Variants in PSD3 observed in about 807,000 individuals in gnomAD.
The protein encoded by PSD3 is pleckstrin and Sec7 domain containing 3, also known as PH and SEC7 domain-containing protein 3.
In PSD3, 49 loss-of-function variants were observed where a neutral mutation model predicts 105.5. That is an observed-to-expected ratio of 0.46 (90% confidence interval 0.37 to 0.59). PSD3 has a LOEUF of 0.59. PSD3 is among the 20% of genes least tolerant of loss of function. PSD3 has a pLI of 0.00. For missense variants in PSD3, 1,561 were observed against 1,263.8 expected (o/e 1.24, Z -3.57); for synonymous variants, 557 against 457.8 (o/e 1.22, Z -2.77).
chr8:18,684,117 C>A (rs1252402577), intron 9 of PSD3: 2 of 467,026 alleles, frequency 4.3e-6, no homozygotes, highest in Admixed American at 3.4e-5. Context: ...CTGTTTGCAG[C>A]GAGTCTGATT....
At chr8:18,868,850 T>C (rs1320570043) in intron 3 of PSD3, among the ~76,000 whole-genome samples, 4 of 152,194 alleles carry the variant, frequency 2.6e-5, no homozygotes, top group Non-Finnish European at 4.4e-5. Context: ...GGTCAAGAGT[T>C]AGAAAAACCA....
At chr8:18,920,053 T>A (rs1382112905) in intron 2 of PSD3, among the ~76,000 whole-genome samples, 4 of 150,066 alleles carry the variant, frequency 2.7e-5, no homozygotes, top group Non-Finnish European at 5.9e-5. Context: ...AAAAAAAAGT[T>A]TCATGGAGTT....
chr8:18,702,641 C>A (rs1188153760), intron 9 of PSD3, among the ~76,000 whole-genome samples: 1 of 151,556 alleles, frequency 6.6e-6, no homozygotes, highest in Admixed American at 6.6e-5. Context: ...GAGATGGAAT[C>A]TCGCTCTGTT....
At chr8:19,071,958 C>T (rs1266262054) in intron 1 of PSD3, among the ~76,000 whole-genome samples, 1 of 152,182 alleles carries the variant, frequency 6.6e-6, no homozygotes, top group Admixed American at 6.5e-5. Context: ...AATCCACTCG[C>T]CTCGGCCTCC....
chr8:18,801,093 C>T (rs1810639608), intron 7 of PSD3, 177 bp downstream of exon 7: 1 of 437,606 alleles, frequency 2.3e-6, no homozygotes, highest in African/African-American at 2.1e-5. Flanking sequence ...AAAAACAAAA[C>T]TCTAATTCCA....
At chr8:18,651,034 G>A (rs17126977) in intron 10 of PSD3, among the ~76,000 whole-genome samples, 39,237 of 152,066 alleles carry the variant, frequency 0.26, 5,288 homozygotes, top group South Asian at 0.43. Flanking sequence ...AATGGACTAC[G>A]TAAGTACCTT....
At chr8:18,705,071 C>G (rs1194693713) in intron 9 of PSD3, among the ~76,000 whole-genome samples, 1 of 152,054 alleles carries the variant, frequency 6.6e-6, no homozygotes, top group Non-Finnish European at 1.5e-5. Flanking sequence ...TAGTATGGAA[C>G]ACCCTTCCTA....
At chr8:18,694,338 C>T (rs572789394) in intron 9 of PSD3, among the ~76,000 whole-genome samples, 58 of 152,348 alleles carry the variant, frequency 3.8e-4, no homozygotes, top group African/African-American at 1.3e-3. Context: ...CAGCCAGGCG[C>T]GGTGGCGCAC....
chr8:18,536,458 C>T (rs772047900), intron 15 of PSD3, among the ~76,000 whole-genome samples: 2 of 152,162 alleles, frequency 1.3e-5, no homozygotes, highest in Non-Finnish European at 2.9e-5. Flanking sequence ...CATTCCGTGG[C>T]TAATCTCCTG....
Position 18,532,754 on chromosome 8 carries a change from C to T in PSD3, c.*2989G>A, listed in dbSNP as rs1052373747. On this transcript the variant is annotated 3_prime_UTR_variant, in exon 16 of 16. Coordinates refer to ENST00000327040, the MANE Select transcript of PSD3 (RefSeq NM_015310.4). ...TTGATTGCTAATGAGGAATCCCAGA[C>T]ACCTCCCTGTAAAAGCCAGCATGCG... 2.0e-4 allele frequency: 30 copies of T among 152,202 alleles called. No homozygotes were observed. The highest frequency in any genetic ancestry group is 6.3e-4 in the African/African-American group (26 of 41,446). 9.4% of individuals were successfully genotyped at this position (152,202 alleles called of 1,614,324 possible).
intron 15 of PSD3, among the ~76,000 whole-genome samples, chr8:18,552,553 T>A (rs139202519): frequency 6.6e-6 from 1 of 152,322 alleles, no homozygotes; most frequent in East Asian, 1.9e-4. Flanking sequence ...TTGTAAACTT[T>A]TACATTGACA....
intron 9 of PSD3, among the ~76,000 whole-genome samples, chr8:18,708,789 A>G (rs573027627): frequency 5.3e-5 from 8 of 152,026 alleles, no homozygotes; most frequent in Non-Finnish European, 1.0e-4. Context: ...GATCCGGATT[A>G]TCTCACTGGG....
rs546842853 is a variant in PSD3 at position 18,780,030 on chromosome 8, C to A, written c.2083-14492G>T. ...GGCTGAGAGTCAGTTGTTGAAGACA[C>A]CTAATCTGATTTTATTGGACTCAGT... On this transcript the variant is annotated intron_variant, in intron 8 of 15. Coordinates refer to ENST00000327040, the MANE Select transcript of PSD3 (RefSeq NM_015310.4). Among the ~76,000 whole-genome samples, 27 of 152,278 alleles carry A rather than the reference C, an allele frequency of 1.8e-4. 1 individual carries two copies. The highest frequency in any genetic ancestry group is 6.5e-4 in the African/African-American group (27 of 41,574).
intron 1 of PSD3, among the ~76,000 whole-genome samples, chr8:19,046,417 G>C (rs1222707759): frequency 6.6e-6 from 1 of 152,030 alleles, no homozygotes; most frequent in Non-Finnish European, 1.5e-5. Flanking sequence ...CCGGTAACTA[G>C]ATCTTATACT....
At chr8:18,886,439 G>A (rs999391728) in intron 2 of PSD3, among the ~76,000 whole-genome samples, 1 of 152,170 alleles carries the variant, frequency 6.6e-6, no homozygotes, top group African/African-American at 2.4e-5. Flanking sequence ...TCTGGATTCA[G>A]CAGAACCTGG....
At chr8:18,668,904 T>C in intron 9 of PSD3, among the ~76,000 whole-genome samples, 1 of 152,228 alleles carries the variant, frequency 6.6e-6, no homozygotes, top group South Asian at 2.1e-4. Context: ...GCTTTTCCTT[T>C]TGTTATATCA....
At chr8:18,665,550 A>G (rs1334230947) in intron 9 of PSD3, among the ~76,000 whole-genome samples, 1 of 152,256 alleles carries the variant, frequency 6.6e-6, no homozygotes, top group Non-Finnish European at 1.5e-5. Flanking sequence ...AAATGACAAA[A>G]AAGGATTTAG....
At chr8:18,806,196 G>A (rs752742755) in intron 4 of PSD3, among the ~76,000 whole-genome samples, 27 of 152,192 alleles carry the variant, frequency 1.8e-4, no homozygotes, top group Non-Finnish European at 3.1e-4. Flanking sequence ...AGAATACGAT[G>A]ACTAGAAGAG....
At chr8:18,857,703 G>A (rs190433807) in intron 4 of PSD3, among the ~76,000 whole-genome samples, 2 of 152,248 alleles carry the variant, frequency 1.3e-5, no homozygotes, top group Admixed American at 1.3e-4. Context: ...GGACCTCTTG[G>A]TAAAATGCAG....
Sources: allele counts gnomAD v4.1 joint callset (sites outside exome capture counted in the v4.1 genomes callset), GRCh38; gene constraint gnomAD v4.1.1; transcripts MANE v1.5; gene names NCBI Gene and HGNC (gene_info 2026-07-23, HGNC 2026-07-21).